Variants in SULF2 observed in about 807,000 individuals in gnomAD.
SULF2 encodes extracellular sulfatase Sulf-2.
A neutral mutation model predicts 107.7 loss-of-function variants in SULF2; 52 were observed. The ratio of observed to expected loss-of-function variants is 0.48; its 90% confidence interval spans 0.39 to 0.61. The LOEUF (loss-of-function observed/expected upper bound fraction) is 0.61, where lower values mean the gene tolerates loss of function less well. Ranked by LOEUF, SULF2 falls within the 20% of genes least tolerant of loss-of-function variation. The pLI is 0.00. For missense variants in SULF2, 993 were observed against 1,177.3 expected, an observed-to-expected ratio of 0.84 and a Z score of 2.29; for synonymous variants, 460 against 464.3, an observed-to-expected ratio of 0.99 and a Z score of 0.12.
intron 14 of SULF2, among the ~76,000 whole-genome samples, 181 bp downstream of exon 14, chr20:47,665,018 G>A (rs1225591921): frequency 2.0e-5 from 3 of 152,260 alleles, no homozygotes; most frequent in Non-Finnish European, 4.4e-5. Flanking sequence ...TGGCTGAGGA[G>A]CAGGTCCGTG....
intron 3 of SULF2, among the ~76,000 whole-genome samples, chr20:47,704,034 G>A (rs980466799): frequency 3.9e-5 from 6 of 152,182 alleles, no homozygotes; most frequent in Non-Finnish European, 7.3e-5. Context: ...GAGCAGCAAG[G>A]GGAGTTTCTC....
chr20:47,698,387 T>C (rs1838254318), intron 4 of SULF2, among the ~76,000 whole-genome samples: 1 of 152,094 alleles, frequency 6.6e-6, no homozygotes, highest in Admixed American at 6.5e-5. Context: ...GGGACAGACA[T>C]GGGACTGATC....
chr20:47,681,907 A>T (rs2087835360), intron 7 of SULF2, among the ~76,000 whole-genome samples: 1 of 151,010 alleles, frequency 6.6e-6, no homozygotes, highest in Admixed American at 6.6e-5. Context: ...CTGGTCTTGA[A>T]CTCCTGACCT....
chr20:47,669,019 C>T (rs868247720), intron 11 of SULF2, among the ~76,000 whole-genome samples: 15 of 152,288 alleles, frequency 9.8e-5, no homozygotes, highest in Middle Eastern at 6.8e-3. Flanking sequence ...ATTCTGGAGC[C>T]GCCACCCCTC....
chr20:47,720,301 G>A (rs2089249563), intron 3 of SULF2, among the ~76,000 whole-genome samples: 1 of 151,990 alleles, frequency 6.6e-6, no homozygotes, highest in Non-Finnish European at 1.5e-5. Flanking sequence ...TTGCCACCCA[G>A]GCTGGAGTGC....
intron 3 of SULF2, among the ~76,000 whole-genome samples, chr20:47,703,345 A>C (rs978409705): frequency 2.6e-5 from 4 of 152,226 alleles, no homozygotes; most frequent in African/African-American, 9.6e-5. Flanking sequence ...TTCTGCCAAC[A>C]TACTGTGGTT....
In SULF2 at chr20:47,663,484, G is replaced by A. The variant is rs754116554; in HGVS notation, c.2196C>T (p.Asn732=). Residue 732 remains asparagine, a synonymous_variant, in exon 16 of 21, where the codon AAC becomes AAT. Transcript: ENST00000688720. ...MPGLTCFTHD[N]QHWQTAPFWT... ...AGAAAGGCGCCGTCTGCCAGTGCTG[G>A]TTGTCGTGGGTGAAGCACGTGAGGC... 2 of 1,611,014 alleles carry A rather than the reference G, an allele frequency of 1.2e-6. No individual in the cohort carries two copies. The highest frequency in any genetic ancestry group is 8.5e-7 in the Non-Finnish European group (1 of 1,180,022).
intron 1 of SULF2, among the ~76,000 whole-genome samples, chr20:47,770,053 GTTTTTTTTTTTTT>G (rs56786760): frequency 1.6e-5 from 1 of 63,114 alleles, no homozygotes; most frequent in South Asian, 8.1e-4. Flanking sequence ...ATCTGGTGTA[GTTTTTTTTTTTTT>G]TTTTTTTTTT....
chr20:47,722,521 C>T (rs1006769937), intron 3 of SULF2, among the ~76,000 whole-genome samples: 6 of 152,080 alleles, frequency 3.9e-5, no homozygotes, highest in South Asian at 2.1e-4. Context: ...CACAGCCTCC[C>T]GAAGTGCTGG....
At chr20:47,764,280 T>A (rs1468698306) in intron 1 of SULF2, among the ~76,000 whole-genome samples, 6 of 152,226 alleles carry the variant, frequency 3.9e-5, no homozygotes. Context: ...CCCCTGAAGG[T>A]ACAGGTTTTT....
intron 2 of SULF2, among the ~76,000 whole-genome samples, chr20:47,750,262 G>A (rs1050484217): frequency 1.3e-5 from 2 of 152,182 alleles, no homozygotes; most frequent in African/African-American, 4.8e-5. Context: ...TCACAGGTGT[G>A]AGCCACCGCA....
chr20:47,771,168 C>T (rs1321787704), intron 1 of SULF2, among the ~76,000 whole-genome samples: 4 of 152,248 alleles, frequency 2.6e-5, no homozygotes, highest in South Asian at 2.1e-4. Flanking sequence ...CCCTGGCTGT[C>T]GGGGCTGGGC....
chr20:47,765,106 C>T (rs767937828), intron 1 of SULF2, among the ~76,000 whole-genome samples: 4 of 152,150 alleles, frequency 2.6e-5, no homozygotes, highest in Admixed American at 6.5e-5. Flanking sequence ...AATCCCAGCA[C>T]TTTGGGAGGC....
chr20:47,717,664 C>T (rs558222875), intron 3 of SULF2, among the ~76,000 whole-genome samples: 4 of 152,288 alleles, frequency 2.6e-5, no homozygotes, highest in Non-Finnish European at 4.4e-5. Flanking sequence ...TGCATCCTCC[C>T]AGAATTCATC....
intron 18 of SULF2, among the ~76,000 whole-genome samples, chr20:47,660,270 T>A (rs538978256): frequency 1.1e-4 from 17 of 152,350 alleles, no homozygotes; most frequent in African/African-American, 4.1e-4. Flanking sequence ...GTGACTAATA[T>A]GTCATTGCAC....
intron 3 of SULF2, among the ~76,000 whole-genome samples, chr20:47,731,658 A>G (rs1266146483): frequency 2.6e-5 from 4 of 152,208 alleles, no homozygotes; most frequent in Non-Finnish European, 5.9e-5. Flanking sequence ...ACACATCAAC[A>G]TCACCTCCTC....
intron 1 of SULF2, among the ~76,000 whole-genome samples, chr20:47,768,711 C>T (rs566757217): frequency 6.6e-6 from 1 of 152,336 alleles, no homozygotes; most frequent in South Asian, 2.1e-4. Flanking sequence ...AATTCTGGAC[C>T]TGACTCGGCC....
In SULF2 at chr20:47,690,215, G is replaced by A. The variant is rs1305496474; in HGVS notation, c.648C>T (p.Val216=). ...TSKKMYPHRP[V]LMVISHAAPH... is the part of the protein sequence containing the mutation. ...GGGCTGCATGGCTGATGACCATGAG[G>A]ACTGGCCTGTGCGGGTACATCTTCT... Residue 216 remains valine, a synonymous_variant, in exon 5 of 21, where the codon GTC becomes GTT. Coordinates refer to ENST00000688720, the MANE Select transcript of SULF2 (RefSeq NM_001387048.1). 1.5e-5 allele frequency: 23 copies of A among 1,578,982 alleles called. No individual in the cohort carries two copies. The highest frequency in any genetic ancestry group is 1.8e-5 in the Non-Finnish European group (21 of 1,159,744).
intron 2 of SULF2, among the ~76,000 whole-genome samples, chr20:47,750,217 T>C (rs2090131118): frequency 6.6e-6 from 1 of 152,196 alleles, no homozygotes; most frequent in Non-Finnish European, 1.5e-5. Flanking sequence ...CCTGACCTCT[T>C]GATCCGCGTG....
Sources: gnomAD v4.1 joint callset for allele counts (sites outside exome capture counted in the v4.1 genomes callset) on GRCh38, gnomAD v4.1.1 for gene constraint, MANE v1.5 for transcripts, NCBI Gene and HGNC (gene_info 2026-07-23, HGNC 2026-07-21) for gene names.